The following ZFHX3 variants were observed in gnomAD, a reference collection of about 807,000 sequenced individuals.
ZFHX3 encodes zinc finger homeobox 3.
A neutral mutation model predicts 279.1 loss-of-function variants in ZFHX3; 42 were observed. The ratio of observed to expected loss-of-function variants is 0.15; its 90% CI spans 0.12 to 0.19. The LOEUF (loss-of-function observed/expected upper bound fraction) is 0.19. Ranked by LOEUF, ZFHX3 falls within the 10% of genes least tolerant of loss-of-function variation. ZFHX3 has a pLI of 1.00. For synonymous variants in ZFHX3, 2,293 were observed against 1,957.8 expected (o/e 1.17, Z -4.52); for missense variants, 4,981 against 4,754.0 (o/e 1.05, Z -1.40).
chr16:73,890,255 C>A (rs747556432), intron 1 of ZFHX3, among the ~76,000 whole-genome samples: 21,795 of 135,526 alleles, frequency 0.16, 2,125 homozygotes, highest in Middle Eastern at 0.28. Context: ...AAAAAAAAAA[C>A]AACAAAAAAA....
chr16:73,531,222 C>T (rs1194126403), intron 2 of ZFHX3, among the ~76,000 whole-genome samples: 1 of 152,170 alleles, frequency 6.6e-6, no homozygotes, highest in Admixed American at 6.5e-5. Flanking sequence ...GCCCTCAGTG[C>T]CGCTAAATAT....
intron 5 of ZFHX3, among the ~76,000 whole-genome samples, chr16:73,170,222 A>AGTTTTTTTTT (rs1967486912): frequency 2.7e-5 from 1 of 36,840 alleles, no homozygotes; most frequent in Non-Finnish European, 5.2e-5. Flanking sequence ...TCCTTTCACT[A>AGTTTTTTTTT]GTTTTTTTTT....
At chr16:73,805,822 G>A (rs560687756) in intron 1 of ZFHX3, among the ~76,000 whole-genome samples, 7 of 152,292 alleles carry the variant, frequency 4.6e-5, no homozygotes, top group African/African-American at 1.7e-4. Context: ...AGAGACAGAG[G>A]GTGATGGGGG....
chr16:73,193,064 G>A (rs1459632583), intron 5 of ZFHX3, among the ~76,000 whole-genome samples: 1 of 152,196 alleles, frequency 6.6e-6, no homozygotes, highest in Non-Finnish European at 1.5e-5. Flanking sequence ...GCCTCCTACA[G>A]GCTCACAAAC....
intron 2 of ZFHX3, among the ~76,000 whole-genome samples, chr16:73,598,075 C>T (rs1042727732): frequency 5.3e-5 from 8 of 152,040 alleles, no homozygotes; most frequent in African/African-American, 1.9e-4. Context: ...AGGGAGGGGA[C>T]CAAGGGCTCC....
chr16:73,699,811 C>T lies in ZFHX3; in HGVS notation c.-1607-19571G>A, dbSNP rs58306065. On this transcript the variant is annotated intron_variant, in intron 1 of 17. Coordinates refer to the ZFHX3 transcript ENST00000641206. ...TGCCTGTACAACAATGTAGGGCCACCGTAACAGTTCCAGTCTGCCTCAAGT... is the reference window on the plus strand; with the variant it reads ...TGCCTGTACAACAATGTAGGGCCACTGTAACAGTTCCAGTCTGCCTCAAGT... Among the ~76,000 whole-genome samples, 574 of 152,192 alleles carry T rather than the reference C, an allele frequency of 3.8e-3. 4 individuals are homozygous for T. The highest frequency in any genetic ancestry group is 0.013 in the African/African-American group (546 of 41,524).
chr16:73,656,283 C>T (rs913169382), intron 2 of ZFHX3, among the ~76,000 whole-genome samples: 2 of 152,170 alleles, frequency 1.3e-5, no homozygotes, highest in Admixed American at 6.5e-5. Flanking sequence ...GATGTCAACT[C>T]CTAACTTAAA....
At chr16:73,566,401 G>T (rs1420047411) in intron 2 of ZFHX3, among the ~76,000 whole-genome samples, 3 of 152,240 alleles carry the variant, frequency 2.0e-5, no homozygotes, top group African/African-American at 7.2e-5. Context: ...AGTTCTGGAA[G>T]GCAGAAGTCT....
chr16:72,831,919 C>T (rs150513640), intron 4 of ZFHX3, among the ~76,000 whole-genome samples: 1 of 152,258 alleles, frequency 6.6e-6, no homozygotes, highest in East Asian at 1.9e-4. Flanking sequence ...CCAAGGTCAT[C>T]GCCAAGGTCT....
intron 1 of ZFHX3, among the ~76,000 whole-genome samples, chr16:73,818,304 C>T (rs1597129758): frequency 6.6e-6 from 1 of 152,208 alleles, no homozygotes. Context: ...AAAGGGAAAA[C>T]CTGGCAATAG....
intron 8 of ZFHX3, among the ~76,000 whole-genome samples, chr16:73,082,293 A>C (rs1197999275): frequency 6.6e-6 from 1 of 151,428 alleles, no homozygotes; most frequent in East Asian, 1.9e-4. Context: ...TTTGAGAGGG[A>C]GTCTCTCTAT....
At chr16:73,251,666 A>G (rs2013491766) in intron 5 of ZFHX3, among the ~76,000 whole-genome samples, 1 of 151,936 alleles carries the variant, frequency 6.6e-6, no homozygotes, top group Non-Finnish European at 1.5e-5. Context: ...AGAGTAAAAC[A>G]CACATTCACA....
rs770633357 is a variant in ZFHX3, at chr16:72,787,409, G to C, written c.10867C>G (p.Arg3623Gly). The C allele has an allele frequency of 1.4e-4, 231 of 1,603,408 alleles. No individual in the cohort carries two copies. Among genetic ancestry groups the C allele is most frequent in the Non-Finnish European group, 8.1e-5 (95 of 1,172,742 alleles). Residue 3623 changes from arginine (R) to glycine (G), a missense_variant, in exon 10 of 10, where the codon CGG becomes GGG. By Grantham distance (125) the Arg-to-Gly change is moderately radical. Coordinates refer to ENST00000268489, the MANE Select transcript of ZFHX3 (RefSeq NM_006885.4). ...GAAGGGGGCTTCGCTGCCGAAGCCCGGGAGACCACTTGCGGCCAAGACTTC... is the reference window on the plus strand; with the variant it reads ...GAAGGGGGCTTCGCTGCCGAAGCCCCGGAGACCACTTGCGGCCAAGACTTC... ...SRKSWPQVVS[R>G]ASAAKPPSFP...
At chr16:72,850,016 G>C (rs1478122965) in intron 4 of ZFHX3, among the ~76,000 whole-genome samples, 1 of 152,160 alleles carries the variant, frequency 6.6e-6, no homozygotes, top group Non-Finnish European at 1.5e-5. Flanking sequence ...GGAACGGTCG[G>C]GGGACTGTCA....
intron 1 of ZFHX3, among the ~76,000 whole-genome samples, chr16:73,854,902 G>C (rs889686688): frequency 1.3e-5 from 2 of 151,546 alleles, no homozygotes; most frequent in African/African-American, 2.4e-5. Context: ...CAATTAAAGG[G>C]AGTGTACCTG....
At chr16:73,568,780 C>A (rs8059155) in intron 2 of ZFHX3, among the ~76,000 whole-genome samples, 7,020 of 152,186 alleles carry the variant, frequency 0.046, 580 homozygotes, top group African/African-American at 0.16. Context: ...TTGCAAATTT[C>A]TTTGGTGGTG....
Position 72,794,365 on chromosome 16 carries a change from G to A in ZFHX3, c.8317C>T (p.Leu2773=), listed in dbSNP as rs142227447. The A allele has an allele frequency of 9.9e-5, 158 of 1,602,674 alleles. No individual in the cohort carries two copies. In the African/African-American group the frequency reaches 1.9e-3, roughly 20 times the overall value. Residue 2773 remains leucine (L), a synonymous_variant, in exon 9 of 10, where the codon CTA becomes TTA. Coordinates refer to ENST00000268489, the MANE Select transcript of ZFHX3 (RefSeq NM_006885.4). This position sits in a 1 kb window ranked among gnomAD's most constrained non-coding sequence, Gnocchi z 4.2. ...DIFDGTSFSH[L]PPSSSDGQGV... is the part of the protein sequence containing the mutation. ...TGACCATCACTACTGCTTGGGGGTA[G>A]GTGGGAAAAGCTAGTTCCGTCAAAA...
intron 1 of ZFHX3, among the ~76,000 whole-genome samples, chr16:72,965,042 T>A (rs1227830983): frequency 1.3e-5 from 2 of 149,624 alleles, no homozygotes; most frequent in African/African-American, 4.9e-5. Context: ...CACGTCTGGC[T>A]AACTTTTTGT....
At chr16:72,849,079 G>A (rs762384215) in intron 4 of ZFHX3, among the ~76,000 whole-genome samples, 15 of 152,030 alleles carry the variant, frequency 9.9e-5, no homozygotes, top group Non-Finnish European at 2.2e-4. Context: ...GGGGGTGGGG[G>A]ATGTTAATTA....
Sources: gnomAD v4.1 joint callset for allele counts (sites outside exome capture counted in the v4.1 genomes callset) on GRCh38, gnomAD v4.1.1 for gene constraint, Gnocchi (gnomAD v3.1) non-coding constraint, MANE v1.5 for transcripts, NCBI Gene and HGNC (gene_info 2026-07-23, HGNC 2026-07-21) for gene names.